COL22A1: variants seen among roughly 807,000 people sequenced by gnomAD.
The protein encoded by COL22A1 is collagen alpha-1(XXII) chain.
In COL22A1, 221 loss-of-function variants were observed where a neutral mutation model predicts 248.9. The ratio of observed to expected loss-of-function variants is 0.89; its 90% CI spans 0.80 to 0.99. COL22A1 has a LOEUF of 0.99. COL22A1 is among the 50% of genes least tolerant of loss of function. The pLI, the probability that COL22A1 is intolerant of heterozygous loss-of-function variation, is 0.00. For missense variants in COL22A1, 2,240 were observed against 2,179.0 expected (o/e 1.03, Z -0.56); for synonymous variants, 891 against 793.4 (o/e 1.12, Z -2.07).
chr8:138,816,789 C>T (rs889898090), intron 7 of COL22A1, among the ~76,000 whole-genome samples: 2 of 152,226 alleles, frequency 1.3e-5, no homozygotes, highest in Non-Finnish European at 2.9e-5. Flanking sequence ...CTACAAGTAC[C>T]ACAGCTGATG....
chr8:138,875,707 C>T (rs1823664593), intron 3 of COL22A1, among the ~76,000 whole-genome samples: 1 of 152,274 alleles, frequency 6.6e-6, no homozygotes, highest in African/African-American at 2.4e-5. Context: ...CCACCTAACC[C>T]ATCCCCTCTC....
chr8:138,844,005 C>G, intron 4 of COL22A1, 79 bp downstream of exon 4: 1 of 1,295,426 alleles, frequency 7.7e-7, no homozygotes, highest in Non-Finnish European at 1.1e-6. Flanking sequence ...GAGGCCACCC[C>G]TGAATTGACT....
intron 32 of COL22A1, 69 bp from the exon 33 acceptor site, chr8:138,694,948 C>T: frequency 6.7e-7 from 1 of 1,503,298 alleles, no homozygotes; most frequent in Non-Finnish European, 9.1e-7. Flanking sequence ...GGTACATGTC[C>T]CCAGCTCCGG....
At chr8:138,861,508 C>T (rs1822452660) in intron 3 of COL22A1, among the ~76,000 whole-genome samples, 1 of 152,230 alleles carries the variant, frequency 6.6e-6, no homozygotes, top group South Asian at 2.1e-4. Context: ...TCCTGCAGGA[C>T]TCAACGCGCA....
At chr8:138,637,984 A>G (rs1821337713) in intron 47 of COL22A1, among the ~76,000 whole-genome samples, 1 of 151,758 alleles carries the variant, frequency 6.6e-6, no homozygotes, top group African/African-American at 2.4e-5. Flanking sequence ...CACCATCATC[A>G]TCGTCTACAT....
In COL22A1 at chr8:138,885,342, T is replaced by A. The variant is rs1013925563; in HGVS notation, c.-72-2098A>T. Reference sequence around the variant, plus strand: ...TACACCTGATCTCAGCCAGGTCACATAACTTGCCCAAGGTCACACTCCTGG... The same window carrying A: ...TACACCTGATCTCAGCCAGGTCACAAAACTTGCCCAAGGTCACACTCCTGG... On this transcript the variant is annotated intron_variant, in intron 1 of 64. Transcript: ENST00000303045. Among the ~76,000 whole-genome samples the A allele has an allele frequency of 2.0e-5, 3 of 152,120 alleles. No homozygotes were observed. In the East Asian group the frequency reaches 5.8e-4, roughly 29 times the overall value.
At chr8:138,699,998 T>C in intron 32 of COL22A1, 114 bp downstream of exon 32, 2 of 958,136 alleles carry the variant, frequency 2.1e-6, no homozygotes, top group South Asian at 1.4e-5. Context: ...CTGACAGTGA[T>C]GAACGCGATG....
In COL22A1 at chr8:138,739,826, C is replaced by T. The variant is rs187370051; in HGVS notation, c.2086-2249G>A. On this transcript the variant is annotated intron_variant, in intron 22 of 64. Transcript: ENST00000303045. ...TGACTAGCAGAGAGAGTGAGTGAGC[C>T]TGGTTTAGAAGCCCCTGGATCCACA... Among the ~76,000 whole-genome samples the T allele has an allele frequency of 3.0e-3, 463 of 152,074 alleles. 1 individual carries two copies. Among genetic ancestry groups the T allele is most frequent in the African/African-American group, 0.011 (444 of 41,470 alleles).
At position 138,826,704 on chromosome 8, in the gene COL22A1, T is replaced by C. The variant is rs534567849; in HGVS notation, c.923A>G (p.Glu308Gly). Residue 308 changes from glutamate (E) to glycine (G), a missense_variant, in exon 6 of 65, where the codon GAA (glutamate) becomes GGA (glycine). By Grantham distance (98) the Glu-to-Gly change is moderately conservative (BLOSUM62 -2). Coordinates refer to ENST00000303045, the MANE Select transcript of COL22A1 (RefSeq NM_152888.3). ...GATGACCTGCCAGATATACCAGTCTTCCTTCCGAGAGGTTTTCCTGAACCG... is the reference window on the plus strand; with the variant it reads ...GATGACCTGCCAGATATACCAGTCTCCCTTCCGAGAGGTTTTCCTGAACCG... ...TFRFRKTSRKEDWYIWQVIDQ... is the reference protein window; with the variant it reads ...TFRFRKTSRKGDWYIWQVIDQ... 1.2e-6 allele frequency: 2 copies of C among 1,613,924 alleles called. No homozygotes were observed. The highest frequency in any genetic ancestry group is 4.5e-5 in the East Asian group (2 of 44,852).
chr8:138,592,905 G>A (rs7009499), intron 63 of COL22A1, among the ~76,000 whole-genome samples: 31,666 of 152,060 alleles, frequency 0.21, 5,156 homozygotes, highest in African/African-American at 0.45. Flanking sequence ...CTACTATAAA[G>A]AGACATGCAC....
At chr8:138,660,979 C>G (rs374032878) in intron 43 of COL22A1, among the ~76,000 whole-genome samples, 8 of 137,778 alleles carry the variant, frequency 5.8e-5, no homozygotes, top group East Asian at 2.1e-4. Context: ...CACACATACA[C>G]ACACACATAC....
chr8:138,603,911 C>G (rs1163452819), intron 59 of COL22A1, among the ~76,000 whole-genome samples: 1 of 152,198 alleles, frequency 6.6e-6, no homozygotes, highest in African/African-American at 2.4e-5. Flanking sequence ...GACCTACTTT[C>G]TCTGCATTCA....
rs145001106 is a variant in COL22A1, at chr8:138,883,159, C to T, written c.14G>A (p.Arg5Gln). MAGL[R>Q]GNAVAGLLWM... ...GAGGAGGCCAGCCACAGCGTTCCCTCGGAGGCCGGCCATGGCTCTCCTGTT... is the reference window on the plus strand; with the variant it reads ...GAGGAGGCCAGCCACAGCGTTCCCTTGGAGGCCGGCCATGGCTCTCCTGTT... The change falls in exon 2 of 65, where the codon CGA becomes CAA. Residue 5 changes from arginine to glutamine, a missense_variant. Arg to Gln is a conservative substitution (Grantham distance 43, BLOSUM62 1). Coordinates refer to ENST00000303045, the MANE Select transcript of COL22A1 (RefSeq NM_152888.3). 244 of 1,592,658 alleles carry T rather than the reference C, an allele frequency of 1.5e-4. No homozygotes were observed. The highest frequency in any genetic ancestry group is 1.3e-3 in the Middle Eastern group (8 of 6,062).
At chr8:138,856,534 GAGAGAC>G (rs917981027) in intron 3 of COL22A1, among the ~76,000 whole-genome samples, 3 of 151,804 alleles carry the variant, frequency 2.0e-5, no homozygotes, top group Non-Finnish European at 2.9e-5. Context: ...GCAAGAGAAA[GAGAGAC>G]AGAGACAGAG....
chr8:138,788,843 C>A (rs1586747499), intron 12 of COL22A1, among the ~76,000 whole-genome samples: 1 of 152,276 alleles, frequency 6.6e-6, no homozygotes, highest in South Asian at 2.1e-4. Flanking sequence ...CTCATTTAAT[C>A]CTTGCAGAAA....
chr8:138,627,973 G>T (rs1173641221), intron 50 of COL22A1, among the ~76,000 whole-genome samples: 1 of 152,076 alleles, frequency 6.6e-6, no homozygotes, highest in African/African-American at 2.4e-5. Flanking sequence ...CATCTAAATT[G>T]ATATAGCTAT....
At chr8:138,824,157 C>A (rs951586376) in intron 6 of COL22A1, among the ~76,000 whole-genome samples, 1 of 152,200 alleles carries the variant, frequency 6.6e-6, no homozygotes, top group African/African-American at 2.4e-5. Flanking sequence ...CTAATAATTG[C>A]ATGATTAAAC....
intron 1 of COL22A1, among the ~76,000 whole-genome samples, chr8:138,890,076 A>G (rs1323996969): frequency 2.0e-5 from 3 of 152,230 alleles, no homozygotes; most frequent in Non-Finnish European, 1.5e-5. Context: ...GGAGTGGTTC[A>G]ACATACAAAA....
rs189740483 is a variant in COL22A1 at position 138,663,706 on chromosome 8, G to A, written c.3185C>T (p.Pro1062Leu). The A allele has an allele frequency of 6.6e-5, 106 of 1,607,666 alleles. 1 individual carries two copies. The East Asian group carries it at 1.4e-3, about 21-fold the overall frequency. ...PSGPPGDKGS[P>L]GSRGLPGFPG... Reference sequence around the variant, plus strand: ...CCCTTTATTTAAAGCATACTGTACCGGGGATCCTTTGTCTCCTGGTGGTCC... The same window carrying A: ...CCCTTTATTTAAAGCATACTGTACCAGGGATCCTTTGTCTCCTGGTGGTCC... The change falls in exon 42 of 65, where the codon CCG becomes CTG. Residue 1062 changes from proline (P) to leucine (L), a missense_variant and splice_region_variant. Pro to Leu is a moderately conservative substitution (Grantham distance 98). Coordinates refer to ENST00000303045, the MANE Select transcript of COL22A1 (RefSeq NM_152888.3).
Sources: allele counts gnomAD v4.1 joint callset (sites outside exome capture counted in the v4.1 genomes callset), GRCh38; gene constraint gnomAD v4.1.1; transcripts MANE v1.5; gene names NCBI Gene and HGNC (gene_info 2026-07-23, HGNC 2026-07-21).